POLR1H: variants seen among roughly 807,000 people sequenced by gnomAD.
The protein encoded by POLR1H is DNA-directed RNA polymerase I subunit RPA12.
A neutral mutation model predicts 15.8 loss-of-function variants in POLR1H; 5 were observed. That is an observed-to-expected ratio of 0.32 (90% CI 0.17 to 0.67). The LOEUF is 0.67. POLR1H is among the 30% of genes least tolerant of loss of function. The pLI is 0.74. For synonymous variants in POLR1H, 43 were observed against 58.3 expected (o/e 0.74, Z 1.20); for missense variants, 100 against 163.4 (o/e 0.61, Z 2.11).
upstream of POLR1H, chr6:30,060,111 T>G (rs1167822315): frequency 2.6e-5 from 4 of 152,258 alleles, no homozygotes; most frequent in Non-Finnish European, 5.9e-5. Context: ...CTTCAGCAGT[T>G]TGCTGAGTTT....
Position 30,063,081 on chromosome 6 carries a change from T to C in POLR1H, c.356+748T>C, listed in dbSNP as rs947653592. Among the ~76,000 whole-genome samples, 2 of 152,170 alleles carry C rather than the reference T, an allele frequency of 1.3e-5. No homozygotes were observed. Among genetic ancestry groups the C allele is most frequent in the Non-Finnish European group, 2.9e-5 (2 of 68,032 alleles). ...TGTCTTTGGTGTTCTGCAGTCACTA[T>C]AGTATATCAAAATACGATTTTCTTT... On this transcript the variant is annotated intron_variant, in intron 3 of 3. Transcript: ENST00000332435. This position sits in a 1 kb window ranked among gnomAD's most constrained non-coding sequence, Gnocchi z 4.1.
chr6:30,063,547 TG>T lies in POLR1H; in HGVS notation c.357-1124del, dbSNP rs1340014906. ...AAATATATATTTAAAATATTAAATA[TG>T]GTTATTATATTCTATGTCTTATAAT... On this transcript the variant is annotated intron_variant, in intron 3 of 3. Transcript: ENST00000332435. The surrounding 1 kb of genome is among the most constrained non-coding windows in gnomAD (Gnocchi z 4.1). Among the ~76,000 whole-genome samples, 7 of 151,790 alleles carry T rather than the reference TG, an allele frequency of 4.6e-5. No homozygotes were observed. The highest frequency in any genetic ancestry group is 1.7e-4 in the African/African-American group (7 of 41,524).
chr6:30,064,728 C>A lies in POLR1H; in HGVS notation c.*31C>A. On this transcript the variant is annotated 3_prime_UTR_variant, in exon 4 of 4. Coordinates refer to ENST00000332435, the MANE Select transcript of POLR1H (RefSeq NM_170783.4). ...TTCCTGGGCAACTCTACAGTCCCTC[C>A]CTCCTTTCGGAAGGTGAAGGATACT... is the stretch of plus-strand genomic sequence containing the variant. 1 of 1,603,060 alleles carries A rather than the reference C, an allele frequency of 6.2e-7. No individual in the cohort carries two copies. The highest frequency in any genetic ancestry group is 1.1e-5 in the South Asian group (1 of 89,564).
At chr6:30,062,155 G>C (rs1049626258) in intron 2 of POLR1H, 69 bp from the exon 3 acceptor site, 1 of 1,461,098 alleles carries the variant, frequency 6.8e-7, no homozygotes, top group African/African-American at 1.4e-5. Flanking sequence ...TGAGAGGCGT[G>C]ATCGCCTGAT....
intron 2 of POLR1H, 80 bp from the exon 3 acceptor site, chr6:30,062,144 T>C: frequency 6.9e-7 from 1 of 1,451,792 alleles, no homozygotes; most frequent in South Asian, 1.1e-5. Context: ...CCATCGACGT[T>C]TGAGAGGCGT....
chr6:30,064,320 AAAG>A (rs144856153), intron 3 of POLR1H, among the ~76,000 whole-genome samples: 7,893 of 152,008 alleles, frequency 0.052, 257 homozygotes, highest in Admixed American at 0.068. Flanking sequence ...TTTTAAATAA[AAAG>A]AAGATTTTTT....
rs993885983 is a variant in POLR1H at position 30,063,681 on chromosome 6, GT to G, written c.357-986del. On this transcript the variant is annotated intron_variant, in intron 3 of 3. Transcript: ENST00000332435. This position sits in a 1 kb window ranked among gnomAD's most constrained non-coding sequence, Gnocchi z 4.1. ...TTGTGATTTTTGACTATAAATTCGA[GT>G]TTTTTAGAACTTGAACTGTAGGAAT... 7.2e-5 allele frequency among the ~76,000 whole-genome samples: 11 copies of G among 152,034 alleles called. No individual in the cohort carries two copies. Among genetic ancestry groups the G allele is most frequent in the Admixed American group, 7.2e-4 (11 of 15,264 alleles).
In POLR1H at chr6:30,063,097, G is replaced by A. The variant is rs142980518; in HGVS notation, c.356+764G>A. On this transcript the variant is annotated intron_variant, in intron 3 of 3. Coordinates refer to ENST00000332435, the MANE Select transcript of POLR1H (RefSeq NM_170783.4). The surrounding 1 kb of genome is among the most constrained non-coding windows in gnomAD (Gnocchi z 4.1). ...CAGTCACTATAGTATATCAAAATACGATTTTCTTTTATTCTGTTTGGGATT... is the reference window on the plus strand; with the variant it reads ...CAGTCACTATAGTATATCAAAATACAATTTTCTTTTATTCTGTTTGGGATT... Among the ~76,000 whole-genome samples the A allele has an allele frequency of 4.3e-4, 65 of 152,072 alleles. No individual in the cohort carries two copies. Among genetic ancestry groups the A allele is most frequent in the African/African-American group, 7.2e-4 (30 of 41,502 alleles).
Position 30,061,942 on chromosome 6 carries a change from T to G in POLR1H, c.171T>G (p.Thr57=). 2.5e-6 allele frequency: 4 copies of G among 1,613,056 alleles called. No individual in the cohort carries two copies. The highest frequency in any genetic ancestry group is 1.3e-5 in the African/African-American group (1 of 75,016). The change falls in exon 2 of 4, where the codon ACT becomes ACG. Residue 57 remains threonine, a synonymous_variant. Coordinates refer to ENST00000332435, the MANE Select transcript of POLR1H (RefSeq NM_170783.4). The surrounding 1 kb of genome is among the most constrained non-coding windows in gnomAD (Gnocchi z 5.0). Reference sequence around the variant, plus strand: ...ACTTTGAGGGGAAGGTTGTGAAGACTTCGGTTGTGTTCCACCAACTGGGGA... The same window carrying G: ...ACTTTGAGGGGAAGGTTGTGAAGACGTCGGTTGTGTTCCACCAACTGGGGA... The part of the protein sequence containing the change: ...VRDFEGKVVK[T]SVVFHQLGTA...
At chr6:30,062,714 C>CTTTTT (rs9278555) in intron 3 of POLR1H, among the ~76,000 whole-genome samples, 13 of 42,386 alleles carry the variant, frequency 3.1e-4, no homozygotes, top group African/African-American at 4.1e-4. Flanking sequence ...CCACGCCTGG[C>CTTTTT]TTTTTTTTTT....
chr6:30,060,597 A>T (rs1334389024), upstream of POLR1H: 1 of 152,186 alleles, frequency 6.6e-6, no homozygotes, highest in Non-Finnish European at 1.5e-5. Flanking sequence ...AGGAAGCCCC[A>T]AGCTCCTCTG....
chr6:30,061,812 A>G lies in POLR1H; in HGVS notation c.146-105A>G, dbSNP rs1336652703. On this transcript the variant is annotated intron_variant, in intron 1 of 3. Coordinates refer to ENST00000332435, the MANE Select transcript of POLR1H (RefSeq NM_170783.4). The surrounding 1 kb of genome is among the most constrained non-coding windows in gnomAD (Gnocchi z 5.0). ...TTGGTCTAGCGATGAAAACTGAGGG[A>G]AAGGATGTAGGGCCTCCTGGCCTAA... is the stretch of plus-strand genomic sequence containing the variant. 12 of 1,550,024 alleles carry G rather than the reference A, an allele frequency of 7.7e-6. No individual in the cohort carries two copies. The highest frequency in any genetic ancestry group is 1.1e-5 in the Non-Finnish European group (12 of 1,133,944).
rs1765382953 is a variant in POLR1H at position 30,064,870 on chromosome 6, T to C, written c.*173T>C. On this transcript the variant is annotated 3_prime_UTR_variant, in exon 4 of 4. Transcript: ENST00000332435. ...TGGAGTACTCCTACCCTTAGTTGAA[T>C]TTCCTTATTAAAGTTATATTTTTCT... is the stretch of plus-strand genomic sequence containing the variant. 2.3e-6 allele frequency: 1 copy of C among 441,960 alleles called. No homozygotes were observed. The highest frequency in any genetic ancestry group is 2.0e-5 in the African/African-American group (1 of 49,242). 27.4% of individuals were successfully genotyped at this position (441,960 alleles called of 1,614,324 possible).
At chr6:30,062,453 C>CT (rs1367739676) in intron 3 of POLR1H, 120 bp downstream of exon 3, 2 of 638,742 alleles carry the variant, frequency 3.1e-6, no homozygotes, top group Non-Finnish European at 5.6e-6. Flanking sequence ...CTGTGCAGTT[C>CT]TGGTAATAGG....
Position 30,063,069 on chromosome 6 carries a change from C to G in POLR1H, c.356+736C>G, listed in dbSNP as rs1299236432. On this transcript the variant is annotated intron_variant, in intron 3 of 3. Transcript: ENST00000332435. This position sits in a 1 kb window ranked among gnomAD's most constrained non-coding sequence, Gnocchi z 4.1. Reference sequence around the variant, plus strand: ...AGACCTCATTTTTGTCTTTGGTGTTCTGCAGTCACTATAGTATATCAAAAT... The same window carrying G: ...AGACCTCATTTTTGTCTTTGGTGTTGTGCAGTCACTATAGTATATCAAAAT... Among the ~76,000 whole-genome samples the G allele has an allele frequency of 6.6e-6, 1 of 152,052 alleles. No homozygotes were observed. The highest frequency in any genetic ancestry group is 1.5e-5 in the Non-Finnish European group (1 of 67,994).
chr6:30,064,241 C>CAG (rs1765330806), intron 3 of POLR1H, among the ~76,000 whole-genome samples: 1 of 151,446 alleles, frequency 6.6e-6, no homozygotes, highest in East Asian at 1.9e-4. Context: ...TATTCATAGT[C>CAG]AGATATATCT....
chr6:30,063,385 A>G lies in POLR1H; in HGVS notation c.356+1052A>G, dbSNP rs536621193. Among the ~76,000 whole-genome samples the G allele has an allele frequency of 2.9e-4, 44 of 151,772 alleles. No homozygotes were observed. The highest frequency in any genetic ancestry group is 8.9e-4 in the African/African-American group (37 of 41,416). On this transcript the variant is annotated intron_variant, in intron 3 of 3. Transcript: ENST00000332435. This position sits in a 1 kb window ranked among gnomAD's most constrained non-coding sequence, Gnocchi z 4.1. ...CTTCCATGTCACTAATTCTGTCTTC[A>G]GTTTATTTCAAGTATTATTATTTTT...
chr6:30,062,462 G>A, intron 3 of POLR1H, 129 bp downstream of exon 3: 1 of 591,270 alleles, frequency 1.7e-6, no homozygotes, highest in Non-Finnish European at 3.0e-6. Context: ...TCTGGTAATA[G>A]GGAGATTTGT....
At chr6:30,062,416 C>T in intron 3 of POLR1H, 83 bp downstream of exon 3, 3 of 914,986 alleles carry the variant, frequency 3.3e-6, no homozygotes, top group Non-Finnish European at 5.3e-6. Flanking sequence ...ACGAAATGGC[C>T]GTTTCCCTTG....
Sources: allele counts gnomAD v4.1 joint callset (sites outside exome capture counted in the v4.1 genomes callset), GRCh38; gene constraint gnomAD v4.1.1; non-coding constraint Gnocchi (gnomAD v3.1); transcripts MANE v1.5; gene names NCBI Gene and HGNC (gene_info 2026-07-23, HGNC 2026-07-21).